Variants in KRTAP4-1 observed in about 807,000 individuals in gnomAD.
The protein encoded by KRTAP4-1 is keratin associated protein 4-1.
For missense variants in KRTAP4-1, 155 were observed against 181.3 expected, an observed-to-expected ratio of 0.85 and a Z score of 0.83; for synonymous variants, 52 against 58.3, an observed-to-expected ratio of 0.89 and a Z score of 0.50.
chr17:41,184,693 G>T, the KRTAP4-1 span: 2 of 1,612,260 alleles, frequency 1.2e-6, no homozygotes, highest in Non-Finnish European at 1.7e-6. Flanking sequence ...TGGTCTGGCA[G>T]CAGGTAGTCT....
chr17:41,184,309 G>A lies in KRTAP4-1; in HGVS notation c.*105C>T. 2 of 1,503,580 alleles carry A rather than the reference G, an allele frequency of 1.3e-6. No homozygotes were observed. Among genetic ancestry groups the A allele is most frequent in the South Asian group, 1.3e-5 (1 of 74,710 alleles). 93.1% of individuals were successfully genotyped at this position (1,503,580 alleles called of 1,614,324 possible). On this transcript the variant is annotated 3_prime_UTR_variant, in exon 1 of 1. Coordinates refer to ENST00000398472, the MANE Select transcript of KRTAP4-1 (RefSeq NM_001386841.1). ...CACCAGTTACTTAGTGGAATAACAG[G>A]ATAATAAAGCTGATGGCCATTTAAC...
chr17:41,184,100 T>A lies in KRTAP4-1; in HGVS notation c.*314A>T, dbSNP rs2015242224. 2 of 314,600 alleles carry A rather than the reference T, an allele frequency of 6.4e-6. No individual in the cohort carries two copies. The highest frequency in any genetic ancestry group is 1.2e-5 in the Non-Finnish European group (2 of 173,726). 19.5% of individuals were successfully genotyped at this position (314,600 alleles called of 1,614,324 possible). ...AAAAAATTGAAAAAAGAGAAAAGAATTACTGATATTAAGATAATATTTATT... is the reference window on the plus strand; with the variant it reads ...AAAAAATTGAAAAAAGAGAAAAGAAATACTGATATTAAGATAATATTTATT... On this transcript the variant is annotated 3_prime_UTR_variant, in exon 1 of 1. Transcript: ENST00000398472.
rs1314372094 is a variant in KRTAP4-1 at position 41,184,730 on chromosome 17, G to C, written c.125C>G (p.Ser42Cys). ...TTCCCPSCVVSSCCRPSCSQT... is the reference protein window; with the variant it reads ...TTCCCPSCVVCSCCRPSCSQT... ...AGAGCAGGATGGGCGGCAGCAGCTG[G>C]ATACAACACAGCTGGGGCAGCAACA... The change falls in exon 1 of 1, where the codon TCC becomes TGC. Residue 42 changes from serine to cysteine, a missense_variant. Physicochemically the swap from Ser to Cys is moderately radical, Grantham distance 112 (BLOSUM62 -1). Coordinates refer to ENST00000398472, the MANE Select transcript of KRTAP4-1 (RefSeq NM_001386841.1). 1.2e-6 allele frequency: 2 copies of C among 1,613,580 alleles called. No homozygotes were observed. Among genetic ancestry groups the C allele is most frequent in the East Asian group, 2.2e-5 (1 of 44,828 alleles).
chr17:41,184,145 AT>A lies in KRTAP4-1; in HGVS notation c.*268del, dbSNP rs2015243023. The A allele has an allele frequency of 2.0e-5, 9 of 456,416 alleles. No homozygotes were observed. The highest frequency in any genetic ancestry group is 9.6e-5 in the East Asian group (3 of 31,140). The allele number at this position is 456,416 out of a possible 1,614,324, so 28.3% of individuals were successfully genotyped here. On this transcript the variant is annotated 3_prime_UTR_variant, in exon 1 of 1. Transcript: ENST00000398472. ...TTTATTGAAGAACAGTTAATATGTAATTTTGAAGGTCAAATCAAGCATAACA... is the reference window on the plus strand; with the variant it reads ...TTTATTGAAGAACAGTTAATATGTAATTTGAAGGTCAAATCAAGCATAACA...
In KRTAP4-1 at chr17:41,184,266, T is replaced by G; in HGVS notation, c.*148A>C. ...CATGGGAAAAATGAGTGGTATTAAA[T>G]GTAGATGGATGCCCTTTCACCAGTT... On this transcript the variant is annotated 3_prime_UTR_variant, in exon 1 of 1. Transcript: ENST00000398472. The G allele has an allele frequency of 7.4e-7, 1 of 1,358,774 alleles. No homozygotes were observed. Among genetic ancestry groups the G allele is most frequent in the Non-Finnish European group, 1.0e-6 (1 of 995,820 alleles). The allele number at this position is 1,358,774 out of a possible 1,614,324, so 84.2% of individuals were successfully genotyped here. A position where few individuals can be genotyped will look rare whatever the true frequency, so the allele number is the denominator to read the frequency against.
Position 41,184,526 on chromosome 17 carries a change from G to A in KRTAP4-1, c.329C>T (p.Thr110Ile), listed in dbSNP as rs946937149. ...SSCCRPLCCQ[T>I]TCRPSCGVSS... ...CACACCACAGCTGGGGCGGCAGGTGGTCTGACAACAGAGTGGACGGCAGCA... is the reference window on the plus strand; with the variant it reads ...CACACCACAGCTGGGGCGGCAGGTGATCTGACAACAGAGTGGACGGCAGCA... Residue 110 changes from threonine (T) to isoleucine (I), a missense_variant, in exon 1 of 1, where the codon ACC (threonine) becomes ATC (isoleucine). Thr to Ile is a moderately conservative substitution (Grantham distance 89). Coordinates refer to ENST00000398472, the MANE Select transcript of KRTAP4-1 (RefSeq NM_001386841.1). The A allele has an allele frequency of 4.0e-6, 6 of 1,500,002 alleles. No individual in the cohort carries two copies. The Admixed American group carries it at 6.0e-5, about 15-fold the overall frequency. 92.9% of individuals were successfully genotyped at this position (1,500,002 alleles called of 1,614,324 possible).
Position 41,184,819 on chromosome 17 carries a change from G to T in KRTAP4-1, c.36C>A (p.Asp12Glu). Residue 12 changes from aspartate to glutamate, a missense_variant, in exon 1 of 1, where the codon GAC becomes GAA. By Grantham distance (45) the Asp-to-Glu change is conservative (BLOSUM62 2). Transcript: ENST00000398472. Reference sequence around the variant, plus strand: ...GGCAGAGGCCTTGATCACAGCCCTGGTCAGAGCAGACAGAGCCACAACAAG... The same window carrying T: ...GGCAGAGGCCTTGATCACAGCCCTGTTCAGAGCAGACAGAGCCACAACAAG... ...VNSCCGSVCS[D>E]QGCDQGLCQE... 1 of 1,614,234 alleles carries T rather than the reference G, an allele frequency of 6.2e-7. No homozygotes were observed. Among genetic ancestry groups the T allele is most frequent in the Admixed American group, 1.7e-5 (1 of 60,034 alleles).
rs2015244968 is a variant in KRTAP4-1 at position 41,184,298 on chromosome 17, T to C, written c.*116A>G. The stretch of plus-strand genomic sequence containing the variant: ...GGATGCCCTTTCACCAGTTACTTAG[T>C]GGAATAACAGGATAATAAAGCTGAT... On this transcript the variant is annotated 3_prime_UTR_variant, in exon 1 of 1. Coordinates refer to ENST00000398472, the MANE Select transcript of KRTAP4-1 (RefSeq NM_001386841.1). 2.7e-6 allele frequency: 4 copies of C among 1,481,844 alleles called. No individual in the cohort carries two copies. Among genetic ancestry groups the C allele is most frequent in the Non-Finnish European group, 2.7e-6 (3 of 1,102,526 alleles). The allele number at this position is 1,481,844 out of a possible 1,614,324, so 91.8% of individuals were successfully genotyped here. A position where few individuals can be genotyped will look rare whatever the true frequency, so the allele number is the denominator to read the frequency against.
chr17:41,184,537 G>A lies in KRTAP4-1; in HGVS notation c.318C>T (p.Leu106=). ...TGGGGCGGCAGGTGGTCTGACAACA[G>A]AGTGGACGGCAGCAGCTGGACATAC... ...SCGMSSCCRP[L]CCQTTCRPSC... The change falls in exon 1 of 1, where the codon CTC becomes CTT. Residue 106 remains leucine (L), a synonymous_variant. Coordinates refer to ENST00000398472, the MANE Select transcript of KRTAP4-1 (RefSeq NM_001386841.1). The A allele has an allele frequency of 6.7e-7, 1 of 1,499,448 alleles. No individual in the cohort carries two copies. Among genetic ancestry groups the A allele is most frequent in the South Asian group, 1.3e-5 (1 of 77,006 alleles). The allele number at this position is 1,499,448 out of a possible 1,614,324, so 92.9% of individuals were successfully genotyped here.
At position 41,184,419 on chromosome 17, in the gene KRTAP4-1, A is replaced by G; in HGVS notation, c.436T>C (p.Cys146Arg). ...CCRPSCCGSS[C>R] ...TTGATAGTCCAATATGAGGTTCAAC[A>G]AGAGGATCCACAGCAGCTGGGGCGG... is the stretch of plus-strand genomic sequence containing the variant. Residue 146 changes from cysteine (C) to arginine (R), a missense_variant, in exon 1 of 1, where the codon TGT (cysteine) becomes CGT (arginine). Coordinates refer to ENST00000398472, the MANE Select transcript of KRTAP4-1 (RefSeq NM_001386841.1). 6.3e-7 allele frequency: 1 copy of G among 1,593,122 alleles called. No homozygotes were observed.
rs752289958 is a variant in KRTAP4-1 at position 41,184,793 on chromosome 17, T to C, written c.62A>G (p.Gln21Arg). 8.1e-6 allele frequency: 13 copies of C among 1,614,232 alleles called. No homozygotes were observed. The Middle Eastern group carries it at 5.0e-4, about 61-fold the overall frequency. Residue 21 changes from glutamine (Q) to arginine (R), a missense_variant, in exon 1 of 1, where the codon CAA (glutamine) becomes CGA (arginine). Physicochemically the swap from Gln to Arg is conservative, Grantham distance 43 (BLOSUM62 1). Transcript: ENST00000398472. ...GCAGCTGGGGCGGCAGCAGGTCTCT[T>C]GGCAGAGGCCTTGATCACAGCCCTG... is the stretch of plus-strand genomic sequence containing the variant. ...SDQGCDQGLCQETCCRPSCCQ... is the reference protein window; with the variant it reads ...SDQGCDQGLCRETCCRPSCCQ...
chr17:41,184,755 AG>A, the KRTAP4-1 span: 4 of 1,614,144 alleles, frequency 2.5e-6, no homozygotes, highest in Non-Finnish European at 2.5e-6. Flanking sequence ...GGGCAGCAAC[AG>A]GTGGTCTGGC....
chr17:41,184,234 A>C lies in KRTAP4-1; in HGVS notation c.*180T>G. ...ATCTGAGGTCTGAATGCTGCTGGGA[A>C]GAGATCCATGGGAAAAATGAGTGGT... is the stretch of plus-strand genomic sequence containing the variant. On this transcript the variant is annotated 3_prime_UTR_variant, in exon 1 of 1. Coordinates refer to ENST00000398472, the MANE Select transcript of KRTAP4-1 (RefSeq NM_001386841.1). The C allele has an allele frequency of 7.5e-6, 8 of 1,071,032 alleles. No homozygotes were observed. Among genetic ancestry groups the C allele is most frequent in the Non-Finnish European group, 1.1e-5 (8 of 753,196 alleles). The allele number at this position is 1,071,032 out of a possible 1,614,324, so 66.3% of individuals were successfully genotyped here. A position where few individuals can be genotyped will look rare whatever the true frequency, so the allele number is the denominator to read the frequency against.
rs201728255 is a variant in KRTAP4-1 at position 41,184,487 on chromosome 17, C to A, written c.368G>T (p.Arg123Leu). The change falls in exon 1 of 1, where the codon CGT becomes CTT. Residue 123 changes from arginine to leucine, a missense_variant. Transcript: ENST00000398472. ...RPSCGVSSCC[R>L]PLCCQTTCCR... The stretch of plus-strand genomic sequence containing the variant: ...GCAGGTGGTCTGACAGCAGAGTGGA[C>A]GGCAGCAGCTGGACACACCACAGCT... 7.5e-6 allele frequency: 12 copies of A among 1,607,824 alleles called. No individual in the cohort carries two copies. The highest frequency in any genetic ancestry group is 3.4e-5 in the Admixed American group (2 of 59,628).
In KRTAP4-1 at chr17:41,184,517, C is replaced by A; in HGVS notation, c.338G>T (p.Arg113Leu). 6.2e-7 allele frequency: 1 copy of A among 1,605,070 alleles called. No individual in the cohort carries two copies. The highest frequency in any genetic ancestry group is 8.5e-7 in the Non-Finnish European group (1 of 1,176,462). ...CRPLCCQTTC[R>L]PSCGVSSCCR... ...GCAGCTGGACACACCACAGCTGGGGCGGCAGGTGGTCTGACAACAGAGTGG... is the reference window on the plus strand; with the variant it reads ...GCAGCTGGACACACCACAGCTGGGGAGGCAGGTGGTCTGACAACAGAGTGG... The change falls in exon 1 of 1, where the codon CGC (arginine) becomes CTC (leucine). Residue 113 changes from arginine to leucine, a missense_variant. Arg to Leu is a moderately radical substitution (Grantham distance 102). Coordinates refer to ENST00000398472, the MANE Select transcript of KRTAP4-1 (RefSeq NM_001386841.1).
In KRTAP4-1 at chr17:41,184,525, G is replaced by C. The variant is rs1349752603; in HGVS notation, c.330C>G (p.Thr110=). 5 of 1,499,502 alleles carry C rather than the reference G, an allele frequency of 3.3e-6. No individual in the cohort carries two copies. The highest frequency in any genetic ancestry group is 4.5e-6 in the Non-Finnish European group (5 of 1,111,592). The allele number at this position is 1,499,502 out of a possible 1,614,324, so 92.9% of individuals were successfully genotyped here. The change falls in exon 1 of 1, where the codon ACC becomes ACG. Residue 110 remains threonine (T), a synonymous_variant. Coordinates refer to ENST00000398472, the MANE Select transcript of KRTAP4-1 (RefSeq NM_001386841.1). Reference sequence around the variant, plus strand: ...ACACACCACAGCTGGGGCGGCAGGTGGTCTGACAACAGAGTGGACGGCAGC... The same window carrying C: ...ACACACCACAGCTGGGGCGGCAGGTCGTCTGACAACAGAGTGGACGGCAGC... The part of the protein sequence containing the change: ...SSCCRPLCCQ[T]TCRPSCGVSS...
chr17:41,184,487 C>T lies in KRTAP4-1; in HGVS notation c.368G>A (p.Arg123His), dbSNP rs201728255. The T allele has an allele frequency of 5.3e-4, 850 of 1,607,708 alleles. 1 individual carries two copies. The highest frequency in any genetic ancestry group is 6.7e-4 in the Non-Finnish European group (788 of 1,177,686). The change falls in exon 1 of 1, where the codon CGT becomes CAT. Residue 123 changes from arginine (R) to histidine (H), a missense_variant. Physicochemically the swap from Arg to His is conservative, Grantham distance 29. Transcript: ENST00000398472. ...GCAGGTGGTCTGACAGCAGAGTGGA[C>T]GGCAGCAGCTGGACACACCACAGCT... is the stretch of plus-strand genomic sequence containing the variant. Reference protein sequence around the residue: ...RPSCGVSSCCRPLCCQTTCCR... With the variant: ...RPSCGVSSCCHPLCCQTTCCR...
Position 41,184,115 on chromosome 17 carries a change from T to C in KRTAP4-1, c.*299A>G, listed in dbSNP as rs2015242472. 1.1e-5 allele frequency: 4 copies of C among 360,272 alleles called. No individual in the cohort carries two copies. The South Asian group carries it at 4.1e-4, about 37-fold the overall frequency. The allele number at this position is 360,272 out of a possible 1,614,324, so 22.3% of individuals were successfully genotyped here. A position where few individuals can be genotyped will look rare whatever the true frequency, so the allele number is the denominator to read the frequency against. On this transcript the variant is annotated 3_prime_UTR_variant, in exon 1 of 1. Coordinates refer to ENST00000398472, the MANE Select transcript of KRTAP4-1 (RefSeq NM_001386841.1). ...GAGAAAAGAATTACTGATATTAAGATAATATTTATTGAAGAACAGTTAATA... is the reference window on the plus strand; with the variant it reads ...GAGAAAAGAATTACTGATATTAAGACAATATTTATTGAAGAACAGTTAATA...
Position 41,184,132 on chromosome 17 carries a change from C to A in KRTAP4-1, c.*282G>T. 2.5e-6 allele frequency: 1 copy of A among 406,220 alleles called. No individual in the cohort carries two copies. The highest frequency in any genetic ancestry group is 3.7e-5 in the East Asian group (1 of 27,284). The allele number at this position is 406,220 out of a possible 1,614,324, so 25.2% of individuals were successfully genotyped here. A position where few individuals can be genotyped will look rare whatever the true frequency, so the allele number is the denominator to read the frequency against. On this transcript the variant is annotated 3_prime_UTR_variant, in exon 1 of 1. Coordinates refer to ENST00000398472, the MANE Select transcript of KRTAP4-1 (RefSeq NM_001386841.1). ...TATTAAGATAATATTTATTGAAGAACAGTTAATATGTAATTTTGAAGGTCA... is the reference window on the plus strand; with the variant it reads ...TATTAAGATAATATTTATTGAAGAAAAGTTAATATGTAATTTTGAAGGTCA...
Sources: allele counts gnomAD v4.1 joint callset, GRCh38; gene constraint gnomAD v4.1.1; transcripts MANE v1.5; gene names NCBI Gene and HGNC (gene_info 2026-07-23, HGNC 2026-07-21).